The following GDAP1 variants were observed in gnomAD, a reference collection of about 807,000 sequenced individuals.
GDAP1 encodes ganglioside induced differentiation associated protein 1, also known as ganglioside-induced differentiation-associated protein 1.
Under a neutral mutation model 40.1 loss-of-function variants are expected in GDAP1, and 34 were observed. The observed-to-expected ratio is 0.85, with a 90% CI of 0.64 to 1.13. GDAP1 has a LOEUF of 1.13. Among genes scored for constraint, GDAP1 ranks in the 50% most tolerant of loss-of-function variants. The pLI is 0.00. For synonymous variants in GDAP1, 170 were observed against 157.4 expected, an observed-to-expected ratio of 1.08 and a Z score of -0.60; for missense variants, 374 against 433.7, an observed-to-expected ratio of 0.86 and a Z score of 1.22.
intron 2 of GDAP1, among the ~76,000 whole-genome samples, chr8:74,405,158 T>C (rs967138783): frequency 1.3e-5 from 2 of 149,868 alleles, no homozygotes; most frequent in Non-Finnish European, 2.9e-5. Context: ...ACGTCATACA[T>C]GGTGGCAGGT....
chr8:74,354,378 A>G (rs1809009393), intron 2 of GDAP1, among the ~76,000 whole-genome samples: 2 of 152,192 alleles, frequency 1.3e-5, no homozygotes, highest in African/African-American at 2.4e-5. Context: ...TAGCCTGTAC[A>G]GGGATCCCTT....
At chr8:74,391,237 ACTC>A (rs1216368278) in intron 2 of GDAP1, among the ~76,000 whole-genome samples, 1 of 151,260 alleles carries the variant, frequency 6.6e-6, no homozygotes, top group Non-Finnish European at 1.5e-5. Context: ...GAAAAAAAAA[ACTC>A]CTACAGCTAG....
At chr8:74,449,559 C>A (rs1806272105) in intron 2 of GDAP1, among the ~76,000 whole-genome samples, 1 of 151,596 alleles carries the variant, frequency 6.6e-6, no homozygotes, top group South Asian at 2.1e-4. Context: ...AATTTATTCC[C>A]AAGTATTTTA....
At chr8:74,423,276 T>C (rs1345823081) in intron 2 of GDAP1, among the ~76,000 whole-genome samples, 2 of 147,308 alleles carry the variant, frequency 1.4e-5, no homozygotes, top group African/African-American at 2.5e-5. Context: ...TATTATACTA[T>C]ATATAATATG....
At chr8:74,458,537 C>T (rs1449116884) in intron 2 of GDAP1, among the ~76,000 whole-genome samples, 1 of 152,136 alleles carries the variant, frequency 6.6e-6, no homozygotes, top group African/African-American at 2.4e-5. Flanking sequence ...CCATCCACAA[C>T]TCAAGAATGG....
chr8:74,467,304 C>A (rs540585133), intron 2 of GDAP1, among the ~76,000 whole-genome samples: 1 of 152,218 alleles, frequency 6.6e-6, no homozygotes, highest in African/African-American at 2.4e-5. Flanking sequence ...GATCATGAGT[C>A]ATGAATTAAA....
chr8:74,411,544 TAC>T (rs924974391), intron 2 of GDAP1, among the ~76,000 whole-genome samples: 1 of 137,450 alleles, frequency 7.3e-6, no homozygotes, highest in African/African-American at 2.8e-5. Context: ...TATATATATA[TAC>T]ACACAACAAT....
chr8:74,417,911 A>T (rs1173491289), intron 2 of GDAP1, among the ~76,000 whole-genome samples: 1 of 152,208 alleles, frequency 6.6e-6, no homozygotes, highest in Non-Finnish European at 1.5e-5. Context: ...GGAATAAACA[A>T]TTGCAAAGAA....
chr8:74,486,563 T>G (rs1160434089), intron 2 of GDAP1, among the ~76,000 whole-genome samples: 1 of 152,196 alleles, frequency 6.6e-6, no homozygotes. Flanking sequence ...GGTTGAAAGA[T>G]TCTCAAAAAT....
intron 3 of GDAP1, among the ~76,000 whole-genome samples, chr8:74,361,518 T>TC (rs1270823412): frequency 6.6e-6 from 1 of 152,066 alleles, no homozygotes; most frequent in Non-Finnish European, 1.5e-5. Flanking sequence ...TGCCTCAGCC[T>TC]CCCGAGTAGC....
intron 2 of GDAP1, among the ~76,000 whole-genome samples, chr8:74,448,084 A>G (rs1245055496): frequency 6.6e-6 from 1 of 152,118 alleles, no homozygotes; most frequent in Non-Finnish European, 1.5e-5. Context: ...TCTTTTTTGA[A>G]TTTTTATAAG....
chr8:74,404,769 C>T (rs1225344938), intron 2 of GDAP1, among the ~76,000 whole-genome samples: 1 of 149,900 alleles, frequency 6.7e-6, no homozygotes, highest in Non-Finnish European at 1.5e-5. Flanking sequence ...GCTTCTCTCA[C>T]CATTTGAGGA....
chr8:74,362,826 T>G, intron 4 of GDAP1, 113 bp from the exon 5 acceptor site: 1 of 522,892 alleles, frequency 1.9e-6, no homozygotes, highest in Non-Finnish European at 3.5e-6. Context: ...CTATTTCTTC[T>G]CGTTGTCTAA....
At chr8:74,367,098 C>CAGA (rs1554549086), downstream of GDAP1, 1 of 139,950 alleles carries the variant, frequency 7.1e-6, no homozygotes, top group Non-Finnish European at 1.5e-5. Flanking sequence ...ACTGATCTCT[C>CAGA]AAAAAAAAAA....
At chr8:74,402,557 C>A (rs1316555609) in intron 2 of GDAP1, among the ~76,000 whole-genome samples, 1 of 150,164 alleles carries the variant, frequency 6.7e-6, no homozygotes, top group Admixed American at 6.6e-5. Context: ...GTGCGCTGCA[C>A]CCACTGTCCT....
rs12675276 is a variant in GDAP1, at chr8:74,400,568, G to C, written c.165+49247G>C. Among the ~76,000 whole-genome samples the C allele has an allele frequency of 5.7e-3, 855 of 150,032 alleles. 11 individuals are homozygous for C. Among genetic ancestry groups the C allele is most frequent in the Middle Eastern group, 0.031 (9 of 292 alleles). On this transcript the variant is annotated intron_variant, in intron 2 of 2. Transcript: ENST00000523640. Reference sequence around the variant, plus strand: ...TCCATTTACATTTAAAGCTAATACTGTTATGTGTGAATTTGATCCTGTCAT... The same window carrying C: ...TCCATTTACATTTAAAGCTAATACTCTTATGTGTGAATTTGATCCTGTCAT...
At chr8:74,417,027 AG>A (rs1192622699) in intron 2 of GDAP1, among the ~76,000 whole-genome samples, 1 of 148,308 alleles carries the variant, frequency 6.7e-6, no homozygotes, top group African/African-American at 2.6e-5. Flanking sequence ...GTGCTCGTGA[AG>A]TTTCTTGGAG....
In GDAP1 at chr8:74,365,141, C is replaced by T. The variant is rs1423508689; in HGVS notation, c.*774C>T. 1 of 454,064 alleles carries T rather than the reference C, an allele frequency of 2.2e-6. No homozygotes were observed. The allele number at this position is 454,064 out of a possible 1,614,324, so 28.1% of individuals were successfully genotyped here. On this transcript the variant is annotated 3_prime_UTR_variant, in exon 6 of 6. Coordinates refer to ENST00000220822, the MANE Select transcript of GDAP1 (RefSeq NM_018972.4). The stretch of plus-strand genomic sequence containing the variant: ...ACATAAGTGGCATTTAGGTGAATGT[C>T]CCAGCTAATCACTAGCATGTCTAGG...
At chr8:74,356,923 C>G (rs1053617902) in intron 2 of GDAP1, among the ~76,000 whole-genome samples, 2 of 151,820 alleles carry the variant, frequency 1.3e-5, no homozygotes, top group Admixed American at 6.6e-5. Flanking sequence ...CCATGTTGGC[C>G]GGGATGGTCT....
Sources: allele counts gnomAD v4.1 joint callset (sites outside exome capture counted in the v4.1 genomes callset), GRCh38; gene constraint gnomAD v4.1.1; transcripts MANE v1.5; gene names NCBI Gene and HGNC (gene_info 2026-07-23, HGNC 2026-07-21).